Variants in ACE observed in about 807,000 individuals in gnomAD.
The protein encoded by ACE is angiotensin I converting enzyme, also known as angiotensin-converting enzyme.
ACE carries 122 observed loss-of-function variants against 162.3 expected under a neutral mutation model. The observed-to-expected ratio is 0.75, with a 90% CI of 0.65 to 0.87. ACE has a LOEUF of 0.87. Among genes scored for constraint, ACE ranks in the 40% least tolerant of loss-of-function variants. The pLI is 0.00. For missense variants in ACE, 1,799 were observed against 1,735.1 expected (o/e 1.04, Z -0.65); for synonymous variants, 796 against 720.6 (o/e 1.10, Z -1.68).
chr17:63,481,765 G>A, intron 7 of ACE, 27 bp downstream of exon 7: 1 of 1,613,770 alleles, frequency 6.2e-7, no homozygotes, highest in Admixed American at 1.7e-5. Flanking sequence ...AGCACGTTCT[G>A]GGGTTCCCCG....
Position 63,485,000 on chromosome 17 carries a change from G to GC in ACE, c.1922-235dup. On this transcript the variant is annotated intron_variant, in intron 12 of 24. Coordinates refer to ENST00000290866, the MANE Select transcript of ACE (RefSeq NM_000789.4). The surrounding 1 kb of genome is among the most constrained non-coding windows in gnomAD (Gnocchi z 4.0). ...AGTCACCCATGGGACAAGCAGCCAG[G>GC]CAACAACCAGCAGCCAGACAACCAC... 1.9e-6 allele frequency: 3 copies of GC among 1,610,282 alleles called. No individual in the cohort carries two copies. Among genetic ancestry groups the GC allele is most frequent in the Non-Finnish European group, 2.5e-6 (3 of 1,178,466 alleles).
chr17:63,491,197 C>T lies in ACE; in HGVS notation c.2740-12C>T, dbSNP rs751657015. ...GAACCCCCAGTTTGGGCAGAACTCC[C>T]TCTGCTTGCAGGGCTGGACGCCCAG... On this transcript the variant is annotated splice_polypyrimidine_tract_variant and intron_variant, in intron 18 of 24. Coordinates refer to ENST00000290866, the MANE Select transcript of ACE (RefSeq NM_000789.4). The surrounding 1 kb of genome is among the most constrained non-coding windows in gnomAD (Gnocchi z 4.4). The T allele has an allele frequency of 7.4e-6, 12 of 1,613,916 alleles. No individual in the cohort carries two copies. The South Asian group carries it at 1.1e-4, about 15-fold the overall frequency.
chr17:63,496,503 G>A lies in ACE; in HGVS notation c.3490G>A (p.Gly1164Arg), dbSNP rs145579007. The change falls in exon 23 of 25, where the codon GGG becomes AGG. Residue 1164 changes from glycine (G) to arginine (R), a missense_variant. Gly to Arg is a moderately radical substitution (Grantham distance 125). Coordinates refer to ENST00000290866, the MANE Select transcript of ACE (RefSeq NM_000789.4). ...KCDIYQSKEA[G>R]QRLATAMKLG... ...TGACATCTACCAGTCCAAGGAGGCCGGGCAGCGCCTGGCGTGAGTGTCCTC... is the reference window on the plus strand; with the variant it reads ...TGACATCTACCAGTCCAAGGAGGCCAGGCAGCGCCTGGCGTGAGTGTCCTC... 139 of 1,614,112 alleles carry A rather than the reference G, an allele frequency of 8.6e-5. No homozygotes were observed. The highest frequency in any genetic ancestry group is 1.0e-4 in the Non-Finnish European group (119 of 1,180,046).
Position 63,484,682 on chromosome 17 carries a change from A to G in ACE, c.1921+141A>G. 6.9e-7 allele frequency: 1 copy of G among 1,448,014 alleles called. No individual in the cohort carries two copies. The highest frequency in any genetic ancestry group is 1.4e-5 in the South Asian group (1 of 69,852). The allele number at this position is 1,448,014 out of a possible 1,614,324, so 89.7% of individuals were successfully genotyped here. A position where few individuals can be genotyped will look rare whatever the true frequency, so the allele number is the denominator to read the frequency against. On this transcript the variant is annotated intron_variant, in intron 12 of 24. Transcript: ENST00000290866. This position sits in a 1 kb window ranked among gnomAD's most constrained non-coding sequence, Gnocchi z 4.0. ...GAGGGCCAGGCAGCCCCCCAAGCTC[A>G]TCAGCAGGGCCTGCGAGTGGGGACA...
Position 63,484,246 on chromosome 17 carries a change from G to A in ACE, c.1710-84G>A. 6.9e-7 allele frequency: 1 copy of A among 1,457,946 alleles called. No individual in the cohort carries two copies. The highest frequency in any genetic ancestry group is 9.3e-7 in the Non-Finnish European group (1 of 1,073,564). 90.3% of individuals were successfully genotyped at this position (1,457,946 alleles called of 1,614,324 possible). ...TTCTGCAGTCCATTGGGGGGCGGAA[G>A]TGGCCAGGGGCATGTGGGCCGGGGT... On this transcript the variant is annotated intron_variant, in intron 11 of 24. Transcript: ENST00000290866. This position sits in a 1 kb window ranked among gnomAD's most constrained non-coding sequence, Gnocchi z 4.0.
In ACE at chr17:63,481,201, C is replaced by T; in HGVS notation, c.945+13C>T. The stretch of plus-strand genomic sequence containing the variant: ...TATGCTGCAGCAGGTAAGCTCTGGG[C>T]TCAAGCCTGGGGTGGTGGGGGTCGG... On this transcript the variant is annotated intron_variant, in intron 6 of 24. Coordinates refer to ENST00000290866, the MANE Select transcript of ACE (RefSeq NM_000789.4). The T allele has an allele frequency of 6.2e-7, 1 of 1,602,736 alleles. No homozygotes were observed. Among genetic ancestry groups the T allele is most frequent in the Non-Finnish European group, 8.5e-7 (1 of 1,172,120 alleles).
Position 63,478,059 on chromosome 17 carries a change from C to T in ACE, c.378C>T (p.Thr126=), listed in dbSNP as rs1223106227. 1 of 1,599,190 alleles carries T rather than the reference C, an allele frequency of 6.3e-7. No homozygotes were observed. The highest frequency in any genetic ancestry group is 8.5e-7 in the Non-Finnish European group (1 of 1,173,206). ...QLRRIIGAVR[T]LGSANLPLAK... ...GCAGGATCATCGGAGCTGTGCGCAC[C>T]CTGGGCTCTGCCAACCTGCCCCTGG... is the stretch of plus-strand genomic sequence containing the variant. Residue 126 remains threonine, a synonymous_variant, in exon 2 of 25, where the codon ACC becomes ACT. Transcript: ENST00000290866.
intron 19 of ACE, among the ~76,000 whole-genome samples, chr17:63,492,882 C>A (rs1379657561): frequency 1.3e-5 from 2 of 152,130 alleles, no homozygotes; most frequent in Non-Finnish European, 2.9e-5. Flanking sequence ...TAAATGAGAA[C>A]AAGGAAGGAC....
chr17:63,480,512 C>T lies in ACE; in HGVS notation c.831C>T (p.Ile277=). 6.2e-7 allele frequency: 1 copy of T among 1,613,872 alleles called. No individual in the cohort carries two copies. The highest frequency in any genetic ancestry group is 8.5e-7 in the Non-Finnish European group (1 of 1,180,036). ...GATACATCAACCTCAGGGGACCCAT[C>T]CCTGCTCATCTGCTGGGTAAGGACC... The part of the protein sequence containing the change: ...GDRYINLRGP[I]PAHLLGDMWA... Residue 277 remains isoleucine (I), a synonymous_variant, in exon 5 of 25, where the codon ATC becomes ATT. Transcript: ENST00000290866.
At chr17:63,477,780 C>T (rs2049642857) in intron 1 of ACE, 151 bp from the exon 2 acceptor site, 1 of 928,030 alleles carries the variant, frequency 1.1e-6, no homozygotes, top group Non-Finnish European at 1.6e-6. Flanking sequence ...GCGCGGCTTC[C>T]GCAAACTAAG....
chr17:63,486,354 C>G (rs12720730), intron 13 of ACE: 6 of 630,676 alleles, frequency 9.5e-6, no homozygotes, highest in South Asian at 1.8e-5. Flanking sequence ...GTTGCTTGAC[C>G]GCAGGCATCC....
At position 63,481,683 on chromosome 17, in the gene ACE, C is replaced by T. The variant is rs776297611; in HGVS notation, c.1063C>T (p.Arg355Trp). Residue 355 changes from arginine to tryptophan, a missense_variant, in exon 7 of 25, where the codon CGG becomes TGG. Arg to Trp is a moderately radical substitution (Grantham distance 101). Transcript: ENST00000290866. ...GSMLEKPADG[R>W]EVVCHASAWD... ...GATGCTGGAGAAGCCGGCCGACGGGCGGGAAGTGGTGTGCCACGCCTCGGC... is the reference window on the plus strand; with the variant it reads ...GATGCTGGAGAAGCCGGCCGACGGGTGGGAAGTGGTGTGCCACGCCTCGGC... The T allele has an allele frequency of 1.4e-5, 22 of 1,614,038 alleles. No homozygotes were observed. Among genetic ancestry groups the T allele is most frequent in the South Asian group, 6.6e-5 (6 of 91,088 alleles).
In ACE at chr17:63,497,191, A is replaced by C. The variant is rs777124668; in HGVS notation, c.3746A>C (p.Asp1249Ala). 6.2e-6 allele frequency: 10 copies of C among 1,603,476 alleles called. No individual in the cohort carries two copies. The African/African-American group carries it at 1.2e-4, about 19-fold the overall frequency. The change falls in exon 25 of 25, where the codon GAC becomes GCC. Residue 1249 changes from aspartate to alanine, a missense_variant. By Grantham distance (126) the Asp-to-Ala change is moderately radical. Coordinates refer to ENST00000290866, the MANE Select transcript of ACE (RefSeq NM_000789.4). ...GGCCGCGTCAGCTTCCTGGGCCTGG[A>C]CCTGGATGCGCAGCAGGCCCGCGTG... The part of the protein sequence containing the change: ...DSGRVSFLGL[D>A]LDAQQARVGQ...
In ACE at chr17:63,493,900, G is replaced by C. The variant is rs550930003; in HGVS notation, c.3137-22G>C. ...AGCCGCTAGGACCCTGGGTCTGACA[G>C]CTGGGCTCCCTTCCCTTGCAGAGCA... On this transcript the variant is annotated intron_variant, in intron 20 of 24. Transcript: ENST00000290866. 4.3e-6 allele frequency: 7 copies of C among 1,614,176 alleles called. No homozygotes were observed. The Admixed American group carries it at 1.2e-4, about 27-fold the overall frequency.
Position 63,489,035 on chromosome 17 carries a change from C to G in ACE, c.2544C>G (p.Leu848=), listed in dbSNP as rs377651738. 1 of 1,614,196 alleles carries G rather than the reference C, an allele frequency of 6.2e-7. No individual in the cohort carries two copies. Among genetic ancestry groups the G allele is most frequent in the East Asian group, 2.2e-5 (1 of 44,880 alleles). Reference sequence around the variant, plus strand: ...GGCTCTTCCAGGAGCTGCAGCCACTCTACCTCAACCTGCATGCCTACGTGC... The same window carrying G: ...GGCTCTTCCAGGAGCTGCAGCCACTGTACCTCAACCTGCATGCCTACGTGC... ...LERLFQELQP[L]YLNLHAYVRR... is the part of the protein sequence containing the mutation. The change falls in exon 17 of 25, where the codon CTC becomes CTG. Residue 848 remains leucine (L), a synonymous_variant. Transcript: ENST00000290866.
chr17:63,483,579 C>A, intron 10 of ACE, 21 bp downstream of exon 10: 2 of 1,501,084 alleles, frequency 1.3e-6, no homozygotes, highest in Non-Finnish European at 1.8e-6. Context: ...CCCCACCCCA[C>A]CCACCCCCAG....
intron 14 of ACE, 47 bp downstream of exon 14, chr17:63,486,762 A>G (rs1370258070): frequency 6.2e-7 from 1 of 1,611,966 alleles, no homozygotes; most frequent in Admixed American, 1.7e-5. Flanking sequence ...TGGGGCAGTG[A>G]GCCCAACACA....
At chr17:63,487,420 T>TC (rs963020414) in intron 15 of ACE, among the ~76,000 whole-genome samples, 2 of 151,598 alleles carry the variant, frequency 1.3e-5, no homozygotes, top group African/African-American at 4.8e-5. Context: ...GGACACTAGC[T>TC]CCCCCCGGCC....
chr17:63,485,208 G>A, intron 12 of ACE, 28 bp from the exon 13 acceptor site: 3 of 1,613,860 alleles, frequency 1.9e-6, no homozygotes, highest in Middle Eastern at 3.3e-4. Flanking sequence ...GCAGAGGTTT[G>A]TCTGTTTCCC....
Sources: allele counts gnomAD v4.1 joint callset (sites outside exome capture counted in the v4.1 genomes callset), GRCh38; gene constraint gnomAD v4.1.1; non-coding constraint Gnocchi (gnomAD v3.1); transcripts MANE v1.5; gene names NCBI Gene and HGNC (gene_info 2026-07-23, HGNC 2026-07-21).